The following CABIN1 variants were observed in gnomAD, a reference collection of about 807,000 sequenced individuals.
CABIN1 encodes calcineurin-binding protein cabin-1.
A neutral mutation model predicts 227.7 loss-of-function variants in CABIN1; 133 were observed. The ratio of observed to expected loss-of-function variants is 0.58; its 90% CI spans 0.51 to 0.67. CABIN1 has a LOEUF of 0.67. CABIN1 is among the 30% of genes least tolerant of loss of function. The pLI, the probability that CABIN1 is intolerant of heterozygous loss-of-function variation, is 0.00. For synonymous variants in CABIN1, 1,086 were observed against 1,155.1 expected, an observed-to-expected ratio of 0.94 and a Z score of 1.21; for missense variants, 2,408 against 2,852.5, an observed-to-expected ratio of 0.84 and a Z score of 3.55.
rs560723100 is a variant in CABIN1 at position 24,174,871 on chromosome 22, C to T, written c.6041-1240C>T. On this transcript the variant is annotated intron_variant, in intron 34 of 36. Coordinates refer to ENST00000263119, the MANE Select transcript of CABIN1 (RefSeq NM_012295.4). Reference sequence around the variant, plus strand: ...GTCTTTTATAACCTAATCTCAGCAGCAACTGAGATCTCTGTAGGCCACACA... The same window carrying T: ...GTCTTTTATAACCTAATCTCAGCAGTAACTGAGATCTCTGTAGGCCACACA... Among the ~76,000 whole-genome samples, 3 of 152,102 alleles carry T rather than the reference C, an allele frequency of 2.0e-5. No individual in the cohort carries two copies. In the East Asian group the frequency reaches 5.8e-4, roughly 30 times the overall value.
At chr22:24,024,151 T>C (rs1360009770) in intron 1 of CABIN1, among the ~76,000 whole-genome samples, 1 of 152,196 alleles carries the variant, frequency 6.6e-6, no homozygotes, top group Non-Finnish European at 1.5e-5. Flanking sequence ...TTTCTTCCAT[T>C]GTGTGTGTTG....
At chr22:24,154,044 C>T (rs963276039) in intron 29 of CABIN1, among the ~76,000 whole-genome samples, 14 of 152,178 alleles carry the variant, frequency 9.2e-5, no homozygotes, top group African/African-American at 1.4e-4. Context: ...GGAAGGCATG[C>T]GCGCTGGGGA....
chr22:24,097,115 A>AT lies in CABIN1; in HGVS notation c.3939-892dup, dbSNP rs1305852090. 2.0e-5 allele frequency among the ~76,000 whole-genome samples: 3 copies of AT among 152,152 alleles called. No homozygotes were observed. In the East Asian group the frequency reaches 5.8e-4, roughly 29 times the overall value. On this transcript the variant is annotated intron_variant, in intron 25 of 36. Transcript: ENST00000263119. Reference sequence around the variant, plus strand: ...CTGTGCTCAGAATTTATAGCTACCCATTTTTTTAGTCACAAAGGGCCCCCA... The same window carrying AT: ...CTGTGCTCAGAATTTATAGCTACCCATTTTTTTTAGTCACAAAGGGCCCCCA...
At chr22:24,012,861 A>G (rs1200930124) in intron 1 of CABIN1, among the ~76,000 whole-genome samples, 3 of 150,890 alleles carry the variant, frequency 2.0e-5, no homozygotes, top group Admixed American at 2.0e-4. Flanking sequence ...CCCGGGTTCA[A>G]GCAGTTCTCC....
Position 24,071,071 on chromosome 22 carries a change from C to T in CABIN1, c.2475+29C>T, listed in dbSNP as rs191515617. On this transcript the variant is annotated intron_variant, in intron 17 of 36. Transcript: ENST00000263119. ...ACCCCTGGCTCCTTCTCACCCTGCC[C>T]TGCCCCAGCAGGTATGTCTCTGTGA... The T allele has an allele frequency of 3.5e-3, 5,690 of 1,614,168 alleles. 19 individuals are homozygous for T. The highest frequency in any genetic ancestry group is 4.0e-3 in the Non-Finnish European group (4,748 of 1,179,996).
intron 29 of CABIN1, among the ~76,000 whole-genome samples, chr22:24,153,708 A>AGAGT (rs1400666048): frequency 2.4e-4 from 37 of 152,292 alleles, no homozygotes; most frequent in African/African-American, 8.7e-4. Context: ...ATACAGGCAC[A>AGAGT]GAGTGCAGGA....
rs2034793335 is a variant in CABIN1 at position 24,011,366 on chromosome 22, TGG to T, written c.-75_-75+1del. On this transcript the variant is annotated splice_donor_variant and 5_prime_UTR_variant, in exon 1 of 37. Coordinates refer to ENST00000263119, the MANE Select transcript of CABIN1 (RefSeq NM_012295.4). LOFTEE classifies it low-confidence loss of function (5UTR_SPLICE). ...GACTGGCCGTTGCTGTGGAGACGCC[TGG>T]TGAGTTCCTGGAAGGCTGGTTTGAA... is the stretch of plus-strand genomic sequence containing the variant. 2.6e-5 allele frequency: 4 copies of T among 152,766 alleles called. No individual in the cohort carries two copies. The highest frequency in any genetic ancestry group is 5.8e-5 in the Non-Finnish European group (4 of 68,628). The allele number at this position is 152,766 out of a possible 1,614,324, so 9.5% of individuals were successfully genotyped here.
intron 29 of CABIN1, among the ~76,000 whole-genome samples, chr22:24,163,310 C>T (rs2046262839): frequency 6.6e-6 from 1 of 152,154 alleles, no homozygotes; most frequent in South Asian, 2.1e-4. Flanking sequence ...TGGCTTTCCT[C>T]CCAGGGCTGC....
chr22:24,176,694 G>C (rs2047130522), intron 35 of CABIN1, among the ~76,000 whole-genome samples: 1 of 152,182 alleles, frequency 6.6e-6, no homozygotes, highest in South Asian at 2.1e-4. Flanking sequence ...AGGGTGGACA[G>C]GTTGGGCTGG....
intron 28 of CABIN1, among the ~76,000 whole-genome samples, chr22:24,124,631 T>A (rs1360067978): frequency 2.0e-5 from 3 of 152,118 alleles, no homozygotes; most frequent in African/African-American, 7.2e-5. Flanking sequence ...GAGGCCTGAG[T>A]CTACACTCAT....
chr22:24,150,723 G>T (rs998571813), intron 29 of CABIN1, among the ~76,000 whole-genome samples: 1 of 152,186 alleles, frequency 6.6e-6, no homozygotes, highest in Non-Finnish European at 1.5e-5. Context: ...ATAATCAGAG[G>T]CACTTCTGGC....
At chr22:24,083,533 A>G in intron 20 of CABIN1, 144 bp downstream of exon 20, 2 of 854,576 alleles carry the variant, frequency 2.3e-6, no homozygotes, top group Non-Finnish European at 3.7e-6. Flanking sequence ...TGATGAGTGT[A>G]TCAAAGGACA....
intron 27 of CABIN1, among the ~76,000 whole-genome samples, chr22:24,115,257 TGGG>T (rs1234571880): frequency 1.3e-5 from 2 of 152,064 alleles, no homozygotes; most frequent in African/African-American, 4.8e-5. Flanking sequence ...ACATGGGTGT[TGGG>T]GGAACGAAGC....
rs369278204 is a variant in CABIN1, at chr22:24,029,784, T to G, written c.-74-5660T>G. Among the ~76,000 whole-genome samples, 8 of 152,284 alleles carry G rather than the reference T, an allele frequency of 5.3e-5. No individual in the cohort carries two copies. In the East Asian group the frequency reaches 1.3e-3, roughly 26 times the overall value. Reference sequence around the variant, plus strand: ...TGTATGTGATGAGTCTATATGAGAATCATTTTTTAGGTTTTCCTTGATGAA... The same window carrying G: ...TGTATGTGATGAGTCTATATGAGAAGCATTTTTTAGGTTTTCCTTGATGAA... On this transcript the variant is annotated intron_variant, in intron 1 of 36. Transcript: ENST00000263119.
At chr22:24,089,735 C>T (rs955170711) in intron 23 of CABIN1, among the ~76,000 whole-genome samples, 5 of 152,138 alleles carry the variant, frequency 3.3e-5, no homozygotes, top group Non-Finnish European at 7.3e-5. Flanking sequence ...GGCAGCTGTT[C>T]GAGCTGCTGT....
chr22:24,154,804 G>A (rs1421621765), intron 29 of CABIN1, among the ~76,000 whole-genome samples: 2 of 152,198 alleles, frequency 1.3e-5, no homozygotes, highest in Non-Finnish European at 2.9e-5. Context: ...GTACCTGGAA[G>A]GGGCACAGAG....
chr22:24,170,117 C>T lies in CABIN1; in HGVS notation c.5757+1596C>T, dbSNP rs779974325. On this transcript the variant is annotated intron_variant, in intron 33 of 36. Transcript: ENST00000263119. ...CCCTAATGACCCTCAGACCTACCTG[C>T]CTGCTTCCCAGACCCTGGTGCGGTG... 1.1e-5 allele frequency: 5 copies of T among 457,218 alleles called. No homozygotes were observed. The Admixed American group carries it at 1.2e-4, about 11-fold the overall frequency. 28.3% of individuals were successfully genotyped at this position (457,218 alleles called of 1,614,324 possible). A position where few individuals can be genotyped will look rare whatever the true frequency, so the allele number is the denominator to read the frequency against.
chr22:24,164,503 G>A lies in CABIN1; in HGVS notation c.4850G>A (p.Arg1617Gln), dbSNP rs142157553. ...VLLLKVLAQLRDHSTLLKVSS... is the reference protein window; with the variant it reads ...VLLLKVLAQLQDHSTLLKVSS... ...CTGCTCAAGGTGCTGGCCCAGCTGCGGGACCACAGCACCCTGCTGAAGGTG... is the reference window on the plus strand; with the variant it reads ...CTGCTCAAGGTGCTGGCCCAGCTGCAGGACCACAGCACCCTGCTGAAGGTG... The change falls in exon 30 of 37, where the codon CGG becomes CAG. Residue 1617 changes from arginine (R) to glutamine (Q), a missense_variant. Arg to Gln is a conservative substitution (Grantham distance 43, BLOSUM62 1). Around this residue, in one of 3 missense-constraint regions of CABIN1, gnomAD observed 649 missense variants for 910.3 expected, o/e 0.71. Coordinates refer to ENST00000263119, the MANE Select transcript of CABIN1 (RefSeq NM_012295.4). 29 of 1,606,090 alleles carry A rather than the reference G, an allele frequency of 1.8e-5. No individual in the cohort carries two copies. Among genetic ancestry groups the A allele is most frequent in the East Asian group, 1.3e-4 (6 of 44,882 alleles).
At chr22:24,058,141 C>G (rs1232678090) in intron 10 of CABIN1, among the ~76,000 whole-genome samples, 2 of 152,258 alleles carry the variant, frequency 1.3e-5, no homozygotes, top group East Asian at 3.9e-4. Flanking sequence ...AAGGGATCCT[C>G]CTGAATACCC....
Sources: allele counts gnomAD v4.1 joint callset (sites outside exome capture counted in the v4.1 genomes callset), GRCh38; gene constraint gnomAD v4.1.1; regional missense constraint gnomAD v4.1.1; transcripts MANE v1.5; gene names NCBI Gene and HGNC (gene_info 2026-07-23, HGNC 2026-07-21).